Variants in BCLAF1 observed in about 807,000 individuals in gnomAD.
BCLAF1 encodes BCL2 associated transcription factor 1, also known as bcl-2-associated transcription factor 1.
A neutral mutation model predicts 99.5 loss-of-function variants in BCLAF1; 10 were observed. The observed-to-expected ratio is 0.10, with a 90% CI of 0.06 to 0.17. The LOEUF is 0.17. Among genes scored for constraint, BCLAF1 ranks in the 10% least tolerant of loss-of-function variants. The pLI, the probability that BCLAF1 is intolerant of heterozygous loss-of-function variation, is 1.00. For missense variants in BCLAF1, 636 were observed against 1,105.8 expected (o/e 0.58, Z 6.02); for synonymous variants, 255 against 370.9 (o/e 0.69, Z 3.59).
chr6:136,274,035 A>G, intron 6 of BCLAF1: 1 of 1,285,902 alleles, frequency 7.8e-7, no homozygotes, highest in Non-Finnish European at 1.0e-6. Context: ...GTAGTGCCTC[A>G]ATCATAATTC....
chr6:136,256,717 G>A lies in BCLAF1; in HGVS notation c.*4393C>T, dbSNP rs1380759183. 2.0e-5 allele frequency: 3 copies of A among 146,878 alleles called. No individual in the cohort carries two copies. The highest frequency in any genetic ancestry group is 2.9e-5 in the Non-Finnish European group (2 of 69,052). The allele number at this position is 146,878 out of a possible 1,614,324, so 9.1% of individuals were successfully genotyped here. ...TAAATAAATAAATAAATAATTCAAAGTGCATTTAACATTCTTTTTCACGGC... is the reference window on the plus strand; with the variant it reads ...TAAATAAATAAATAAATAATTCAAAATGCATTTAACATTCTTTTTCACGGC... On this transcript the variant is annotated 3_prime_UTR_variant, in exon 13 of 13. Transcript: ENST00000531224.
In BCLAF1 at chr6:136,261,090, G is replaced by C. The variant is rs754701506; in HGVS notation, c.*20C>G. On this transcript the variant is annotated 3_prime_UTR_variant, in exon 13 of 13. Transcript: ENST00000531224. Reference sequence around the variant, plus strand: ...TGGTGGGTGCAAGTTCTGCTCTGTTGTAATCTTACTTCATATTTATTATTC... The same window carrying C: ...TGGTGGGTGCAAGTTCTGCTCTGTTCTAATCTTACTTCATATTTATTATTC... The C allele has an allele frequency of 1.9e-6, 3 of 1,570,514 alleles. No homozygotes were observed. The highest frequency in any genetic ancestry group is 2.6e-6 in the Non-Finnish European group (3 of 1,158,840).
At chr6:136,271,974 A>T (rs1412138477) in intron 8 of BCLAF1, 21 bp downstream of exon 8, 2 of 1,561,112 alleles carry the variant, frequency 1.3e-6, no homozygotes, top group Admixed American at 1.7e-5. Flanking sequence ...ACACGAAAAA[A>T]AATTACATTC....
rs539438517 is a variant in BCLAF1 at position 136,270,463 on chromosome 6, A to G, written c.2044-851T>C. The G allele has an allele frequency of 3.7e-4, 56 of 152,000 alleles. 1 individual carries two copies. Among genetic ancestry groups the G allele is most frequent in the Admixed American group, 3.0e-3 (45 of 15,232 alleles). The allele number at this position is 152,000 out of a possible 1,614,324, so 9.4% of individuals were successfully genotyped here. Reference sequence around the variant, plus strand: ...TTGCTAGTATTCAACAATAAGTAGTATTTACTCTGGGAAGTCTGGCTATAA... The same window carrying G: ...TTGCTAGTATTCAACAATAAGTAGTGTTTACTCTGGGAAGTCTGGCTATAA... On this transcript the variant is annotated intron_variant, in intron 8 of 12. Transcript: ENST00000531224.
intron 11 of BCLAF1, among the ~76,000 whole-genome samples, chr6:136,265,153 A>ACT (rs535648242): frequency 2.4e-3 from 363 of 151,908 alleles, no homozygotes; most frequent in African/African-American, 8.2e-3. Context: ...TGGCATTTTT[A>ACT]CTCTCTCTCA....
Position 136,258,842 on chromosome 6 carries a change from A to G in BCLAF1, c.*2268T>C, listed in dbSNP as rs1364251355. ...CTAGGATGCTGAAAGGTACACATAC[A>G]CACCTAAAGAGTCATGGCCTTCTTA... On this transcript the variant is annotated 3_prime_UTR_variant, in exon 13 of 13. Coordinates refer to ENST00000531224, the MANE Select transcript of BCLAF1 (RefSeq NM_014739.3). 3 of 152,486 alleles carry G rather than the reference A, an allele frequency of 2.0e-5. No individual in the cohort carries two copies. Among genetic ancestry groups the G allele is most frequent in the Admixed American group, 2.0e-4 (3 of 15,274 alleles). 9.4% of individuals were successfully genotyped at this position (152,486 alleles called of 1,614,324 possible). A position where few individuals can be genotyped will look rare whatever the true frequency, so the allele number is the denominator to read the frequency against.
intron 2 of BCLAF1, among the ~76,000 whole-genome samples, chr6:136,280,563 G>C (rs1784245044): frequency 1.3e-5 from 2 of 151,878 alleles, no homozygotes; most frequent in Non-Finnish European, 2.9e-5. Context: ...AAAAGATAAA[G>C]AATTGGAGGG....
intron 2 of BCLAF1, among the ~76,000 whole-genome samples, 199 bp from the exon 3 acceptor site, chr6:136,280,075 G>A (rs1223450254): frequency 6.6e-6 from 1 of 152,138 alleles, no homozygotes; most frequent in Non-Finnish European, 1.5e-5. Flanking sequence ...GACAGGTACT[G>A]TCGATTAAAG....
intron 11 of BCLAF1, among the ~76,000 whole-genome samples, chr6:136,265,752 G>C (rs1023050917): frequency 2.6e-5 from 4 of 152,124 alleles, no homozygotes; most frequent in Non-Finnish European, 1.5e-5. Context: ...CTCCTTTGCA[G>C]AAATCCACCT....
intron 7 of BCLAF1, 110 bp from the exon 8 acceptor site, chr6:136,272,189 A>C: frequency 1.5e-6 from 1 of 687,754 alleles, no homozygotes; most frequent in East Asian, 2.9e-5. Flanking sequence ...CCAATCAACT[A>C]ATTTAGCACA....
intron 11 of BCLAF1, among the ~76,000 whole-genome samples, chr6:136,264,378 C>A (rs771607907): frequency 1.5e-4 from 23 of 151,876 alleles, no homozygotes; most frequent in Non-Finnish European, 3.2e-4. Context: ...AGCTAATTTT[C>A]GTTTTTTTTG....
chr6:136,279,310 A>G (rs1784046406), intron 3 of BCLAF1, among the ~76,000 whole-genome samples: 2 of 152,132 alleles, frequency 1.3e-5, no homozygotes, highest in South Asian at 4.1e-4. Context: ...TCTGTTTTCT[A>G]TGCTAAGTAT....
intron 1 of BCLAF1, among the ~76,000 whole-genome samples, chr6:136,287,247 T>C (rs113920245): frequency 6.6e-6 from 1 of 151,784 alleles, no homozygotes; most frequent in African/African-American, 2.4e-5. Context: ...GAAGCGGAGG[T>C]TGCAGTGAGC....
chr6:136,263,226 G>C (rs1781260336), intron 11 of BCLAF1, among the ~76,000 whole-genome samples: 1 of 151,932 alleles, frequency 6.6e-6, no homozygotes, highest in African/African-American at 2.4e-5. Flanking sequence ...TACCCCTTGT[G>C]ACCATCACCC....
chr6:136,288,836 C>T (rs1785526405), intron 1 of BCLAF1, among the ~76,000 whole-genome samples: 1 of 152,192 alleles, frequency 6.6e-6, no homozygotes, highest in Non-Finnish European at 1.5e-5. Flanking sequence ...ATCGTGGCTG[C>T]AACATTTCTG....
chr6:136,267,321 A>G, intron 10 of BCLAF1, 146 bp from the exon 11 acceptor site: 1 of 978,230 alleles, frequency 1.0e-6, no homozygotes, highest in Non-Finnish European at 1.5e-6. Flanking sequence ...AAGGATGGCC[A>G]TTTTATATCA....
intron 9 of BCLAF1, 87 bp from the exon 10 acceptor site, chr6:136,268,426 G>A (rs113701917): frequency 1.7e-6 from 2 of 1,169,978 alleles, no homozygotes; most frequent in Non-Finnish European, 2.4e-6. Context: ...TATTTTTCAA[G>A]TCAACAACAC....
In BCLAF1 at chr6:136,265,371, C is replaced by T. The variant is rs566981996; in HGVS notation, c.2544+1658G>A. Among the ~76,000 whole-genome samples the T allele has an allele frequency of 4.6e-5, 7 of 152,250 alleles. No homozygotes were observed. In the South Asian group the frequency reaches 1.2e-3, roughly 27 times the overall value. The stretch of plus-strand genomic sequence containing the variant: ...ACAGAACTTAATCTTTTGAAAGGAG[C>T]TTCTTTCCTACAGATTTAGATTCCT... On this transcript the variant is annotated intron_variant, in intron 11 of 12. Transcript: ENST00000531224.
chr6:136,279,346 CAG>C (rs1362339404), intron 3 of BCLAF1: 1 of 152,430 alleles, frequency 6.6e-6, no homozygotes, highest in Non-Finnish European at 1.5e-5. Flanking sequence ...CAAAAATAAC[CAG>C]AGTTGTTAAT....
Sources: allele counts gnomAD v4.1 joint callset (sites outside exome capture counted in the v4.1 genomes callset), GRCh38; gene constraint gnomAD v4.1.1; transcripts MANE v1.5; gene names NCBI Gene and HGNC (gene_info 2026-07-23, HGNC 2026-07-21).